Variants in ARL1 observed in about 807,000 individuals in gnomAD.
ARL1 encodes ADP-ribosylation factor-like protein 1.
In ARL1, 17 loss-of-function variants were observed where a neutral mutation model predicts 30.1. The ratio of observed to expected loss-of-function variants is 0.56; its 90% CI spans 0.39 to 0.85. The LOEUF is 0.85. Ranked by LOEUF, ARL1 falls within the 40% of genes least tolerant of loss-of-function variation. The pLI is 0.00. For missense variants in ARL1, 102 were observed against 212.6 expected (o/e 0.48, Z 3.24); for synonymous variants, 58 against 71.7 (o/e 0.81, Z 0.97).
chr12:101,405,161 G>A (rs1400205407), intron 2 of ARL1, among the ~76,000 whole-genome samples: 2 of 152,166 alleles, frequency 1.3e-5, no homozygotes, highest in African/African-American at 4.8e-5. Context: ...GTGAGCTCCT[G>A]TGCCCGGCCT....
chr12:101,402,778 A>G, intron 3 of ARL1, 87 bp downstream of exon 3: 1 of 826,330 alleles, frequency 1.2e-6, no homozygotes, highest in Non-Finnish European at 1.9e-6. Flanking sequence ...ATTACAATAG[A>G]ACACATATTC....
At chr12:101,398,750 T>TCAGGAG (rs1179068869) in intron 4 of ARL1, among the ~76,000 whole-genome samples, 2 of 152,158 alleles carry the variant, frequency 1.3e-5, no homozygotes, top group African/African-American at 4.8e-5. Context: ...TGTCTATATG[T>TCAGGAG]TTTAACATTA....
intron 1 of ARL1, chr12:101,407,176 G>C (rs1213697190): frequency 5.7e-6 from 1 of 175,492 alleles, no homozygotes; most frequent in African/African-American, 2.4e-5. Flanking sequence ...CCTGCTCTCA[G>C]GTTTTTCAAA....
chr12:101,396,370 CA>C (rs1171723829), intron 5 of ARL1, 28 bp downstream of exon 5: 1 of 1,613,872 alleles, frequency 6.2e-7, no homozygotes, highest in South Asian at 1.1e-5. Context: ...CACAAATGCA[CA>C]GATGGCTTCT....
intron 1 of ARL1, chr12:101,407,271 G>C: frequency 3.6e-6 from 1 of 280,240 alleles, no homozygotes; most frequent in Non-Finnish European, 6.6e-6. Context: ...AAGAAACCTC[G>C]GCGAACCTGC....
At chr12:101,398,082 T>G (rs1871198253) in intron 4 of ARL1, among the ~76,000 whole-genome samples, 1 of 152,048 alleles carries the variant, frequency 6.6e-6, no homozygotes, top group African/African-American at 2.4e-5. Flanking sequence ...ATTTACCCAT[T>G]TAGAATTCAT....
At chr12:101,398,442 CTATAT>C (rs1258974508) in intron 4 of ARL1, among the ~76,000 whole-genome samples, 1 of 151,216 alleles carries the variant, frequency 6.6e-6, no homozygotes, top group African/African-American at 2.4e-5. Flanking sequence ...TGTGTCTATA[CTATAT>C]ATTTTTTGTT....
intron 3 of ARL1, 119 bp from the exon 4 acceptor site, chr12:101,401,292 C>A: frequency 1.5e-6 from 1 of 660,482 alleles, no homozygotes; most frequent in Non-Finnish European, 2.6e-6. Context: ...TTCACTGTTT[C>A]TGGTGGATAT....
At chr12:101,407,455 G>A (rs548105655) in intron 1 of ARL1, 187 bp downstream of exon 1, 2 of 710,664 alleles carry the variant, frequency 2.8e-6, no homozygotes, top group African/African-American at 3.6e-5. Flanking sequence ...AGAGGACGGA[G>A]GAGAACGCGA....
intron 2 of ARL1, among the ~76,000 whole-genome samples, chr12:101,404,537 A>G (rs1012446341): frequency 6.6e-6 from 1 of 152,248 alleles, no homozygotes; most frequent in Admixed American, 6.5e-5. Context: ...GGTAGCAAAA[A>G]GGAATAACAG....
chr12:101,407,726 G>T lies in ARL1; in HGVS notation c.-81C>A. 1 of 1,598,164 alleles carries T rather than the reference G, an allele frequency of 6.3e-7. No homozygotes were observed. ...CAGCTCCGAGGCGGTTTCCTCGCAA[G>T]CCCAGTCAGCCAGCAACTTCCACGT... is the stretch of plus-strand genomic sequence containing the variant. On this transcript the variant is annotated 5_prime_UTR_variant, in exon 1 of 6. Transcript: ENST00000261636.
rs151332541 is a variant in ARL1 at position 101,403,056 on chromosome 12, A to AAT, written c.143-112_143-111dup. 1,604 of 515,260 alleles carry AAT rather than the reference A, an allele frequency of 3.1e-3. 13 individuals are homozygous for AAT. The highest frequency in any genetic ancestry group is 0.022 in the African/African-American group (1,118 of 50,882). 31.9% of individuals were successfully genotyped at this position (515,260 alleles called of 1,614,324 possible). A position where few individuals can be genotyped will look rare whatever the true frequency, so the allele number is the denominator to read the frequency against. On this transcript the variant is annotated intron_variant, in intron 2 of 5. Transcript: ENST00000261636. ...AATGGTAACTGTTATTAGAGTTTAA[A>AAT]ATATATATATATATAATTTGTCTTA... is the stretch of plus-strand genomic sequence containing the variant.
At position 101,401,137 on chromosome 12, in the gene ARL1, T is replaced by C; in HGVS notation, c.261A>G (p.Ala87=). ...YWRCYYSNTD[A]VIYVVDSCDR... Reference sequence around the variant, plus strand: ...CACAACTGTCTACTACATAAATGACTGCATCTGTGTTTGAATAGTAACATC... The same window carrying C: ...CACAACTGTCTACTACATAAATGACCGCATCTGTGTTTGAATAGTAACATC... Residue 87 remains alanine (A), a synonymous_variant, in exon 4 of 6, where the codon GCA becomes GCG. Coordinates refer to ENST00000261636, the MANE Select transcript of ARL1 (RefSeq NM_001177.6). 6.2e-7 allele frequency: 1 copy of C among 1,613,814 alleles called. No individual in the cohort carries two copies. The highest frequency in any genetic ancestry group is 1.1e-5 in the South Asian group (1 of 91,038).
At chr12:101,399,948 ACAGAGTCT>A (rs1871258531) in intron 4 of ARL1, among the ~76,000 whole-genome samples, 1 of 152,036 alleles carries the variant, frequency 6.6e-6, no homozygotes, top group African/African-American at 2.4e-5. Context: ...ATTTTTTGAG[ACAGAGTCT>A]CACTCTTGTC....
intron 2 of ARL1, among the ~76,000 whole-genome samples, chr12:101,404,039 T>C (rs906835828): frequency 2.0e-5 from 3 of 152,312 alleles, no homozygotes; most frequent in Admixed American, 6.5e-5. Flanking sequence ...TCTGCAGTGG[T>C]AAGTGATACC....
chr12:101,405,315 T>G (rs905947733), intron 2 of ARL1, among the ~76,000 whole-genome samples: 1 of 152,220 alleles, frequency 6.6e-6, no homozygotes, highest in African/African-American at 2.4e-5. Flanking sequence ...GCACTTCACA[T>G]GTAACATCAC....
At chr12:101,406,143 T>C (rs1484726405) in intron 1 of ARL1, among the ~76,000 whole-genome samples, 162 bp from the exon 2 acceptor site, 1 of 152,188 alleles carries the variant, frequency 6.6e-6, no homozygotes, top group East Asian at 1.9e-4. Context: ...TATTATTCAA[T>C]ATCAAACAAG....
At position 101,402,918 on chromosome 12, in the gene ARL1, C is replaced by A. The variant is rs375724509; in HGVS notation, c.171G>T (p.Thr57=). The change falls in exon 3 of 6, where the codon ACG becomes ACT. Residue 57 remains threonine (T), a synonymous_variant. Coordinates refer to ENST00000261636, the MANE Select transcript of ARL1 (RefSeq NM_001177.6). ...AGACTTGGAATTTAAGGTTTTTGTA[C>A]GTCACCGTCTCTACATTAAATCCAA... is the stretch of plus-strand genomic sequence containing the variant. ...PTIGFNVETV[T]YKNLKFQVWD... is the part of the protein sequence containing the mutation. The A allele has an allele frequency of 3.1e-6, 5 of 1,612,768 alleles. No individual in the cohort carries two copies. Among genetic ancestry groups the A allele is most frequent in the Non-Finnish European group, 3.4e-6 (4 of 1,179,134 alleles).
chr12:101,403,518 C>A (rs1411036690), intron 2 of ARL1: 3 of 195,466 alleles, frequency 1.5e-5, no homozygotes, highest in African/African-American at 7.2e-5. Flanking sequence ...ACAGCATGGA[C>A]ACAGCCATGG....
Sources: gnomAD v4.1 joint callset for allele counts (sites outside exome capture counted in the v4.1 genomes callset) on GRCh38, gnomAD v4.1.1 for gene constraint, MANE v1.5 for transcripts, NCBI Gene and HGNC (gene_info 2026-07-23, HGNC 2026-07-21) for gene names.